CXCL13: variants seen among roughly 807,000 people sequenced by gnomAD.
CXCL13 encodes C-X-C motif chemokine ligand 13.
A neutral mutation model predicts 12.2 loss-of-function variants in CXCL13; 7 were observed. The observed-to-expected ratio is 0.57, with a 90% CI of 0.33 to 1.07. The LOEUF (loss-of-function observed/expected upper bound fraction) is 1.07. Among genes scored for constraint, CXCL13 ranks in the 50% least tolerant of loss-of-function variants. The pLI, the probability that CXCL13 is intolerant of heterozygous loss-of-function variation, is 0.04. For synonymous variants in CXCL13, 47 were observed against 42.4 expected (o/e 1.11, Z -0.42); for missense variants, 113 against 127.4 (o/e 0.89, Z 0.55).
At chr4:77,525,928 T>TTA (rs1560515098) in intron 1 of CXCL13, among the ~76,000 whole-genome samples, 140 of 151,616 alleles carry the variant, frequency 9.2e-4, no homozygotes, top group African/African-American at 3.1e-3. Flanking sequence ...TTGTTTTTTT[T>TTA]TTATTATTTT....
chr4:77,531,971 G>A (rs931768006), intron 1 of CXCL13, among the ~76,000 whole-genome samples: 1 of 152,148 alleles, frequency 6.6e-6, no homozygotes, highest in Non-Finnish European at 1.5e-5. Flanking sequence ...CCTGAATACA[G>A]CACACTGACG....
At chr4:77,520,434 C>T (rs1277345619) in intron 1 of CXCL13, among the ~76,000 whole-genome samples, 5 of 152,110 alleles carry the variant, frequency 3.3e-5, no homozygotes, top group African/African-American at 4.8e-5. Context: ...CCTTCACATC[C>T]CTTGTAAGTT....
intron 1 of CXCL13, among the ~76,000 whole-genome samples, chr4:77,565,213 A>G (rs1005248297): frequency 2.0e-5 from 3 of 152,224 alleles, no homozygotes; most frequent in Non-Finnish European, 2.9e-5. Context: ...CAAAAAGAAG[A>G]TGAGGTTCTA....
intron 1 of CXCL13, among the ~76,000 whole-genome samples, chr4:77,554,647 A>G (rs1311432536): frequency 2.0e-5 from 3 of 152,128 alleles, no homozygotes; most frequent in Admixed American, 6.5e-5. Context: ...AATAACATAT[A>G]CATTATTTTC....
intron 1 of CXCL13, among the ~76,000 whole-genome samples, chr4:77,518,002 G>C (rs764135686): frequency 1.3e-5 from 2 of 151,672 alleles, no homozygotes; most frequent in African/African-American, 2.4e-5. Flanking sequence ...GGGCAGGCCT[G>C]GTGGTGACAT....
At chr4:77,516,938 G>A (rs1254382957) in intron 1 of CXCL13, among the ~76,000 whole-genome samples, 1 of 151,842 alleles carries the variant, frequency 6.6e-6, no homozygotes, top group Non-Finnish European at 1.5e-5. Context: ...TCTCTTGTGG[G>A]CATTTAGTGC....
intron 2 of CXCL13, among the ~76,000 whole-genome samples, chr4:77,609,415 C>G (rs1727093218): frequency 6.6e-6 from 1 of 151,678 alleles, no homozygotes; most frequent in Admixed American, 6.6e-5. Context: ...TGGGTTCAAG[C>G]AAGCCTCCCT....
intron 1 of CXCL13, among the ~76,000 whole-genome samples, chr4:77,551,055 C>CT (rs1282756093): frequency 6.6e-6 from 1 of 152,142 alleles, no homozygotes; most frequent in Non-Finnish European, 1.5e-5. Context: ...ACAGCAGACA[C>CT]TTGGGTCCTG....
intron 1 of CXCL13, among the ~76,000 whole-genome samples, chr4:77,521,527 A>G (rs1016806957): frequency 3.3e-5 from 5 of 151,904 alleles, no homozygotes; most frequent in Admixed American, 1.3e-4. Flanking sequence ...GTATTCTCTG[A>G]TGGTAGTTTG....
intron 1 of CXCL13, among the ~76,000 whole-genome samples, chr4:77,560,027 G>C (rs142266571): frequency 6.6e-6 from 1 of 150,656 alleles, no homozygotes; most frequent in Non-Finnish European, 1.5e-5. Context: ...ACACTTCTGT[G>C]ACCACAGCAA....
Position 77,611,156 on chromosome 4 carries a change from G to A in CXCL13, c.*117G>A, listed in dbSNP as rs769590148. ...AGAACTTCCCCATACAAATAAGCATGAGACTATGTAAAAATAACCTTGCAG... is the reference window on the plus strand; with the variant it reads ...AGAACTTCCCCATACAAATAAGCATAAGACTATGTAAAAATAACCTTGCAG... On this transcript the variant is annotated 3_prime_UTR_variant, in exon 4 of 4. Coordinates refer to ENST00000682537, the MANE Select transcript of CXCL13 (RefSeq NM_001371558.1). 2 of 857,902 alleles carry A rather than the reference G, an allele frequency of 2.3e-6. No individual in the cohort carries two copies. The highest frequency in any genetic ancestry group is 3.7e-6 in the Non-Finnish European group (2 of 545,874). 53.1% of individuals were successfully genotyped at this position (857,902 alleles called of 1,614,324 possible). A position where few individuals can be genotyped will look rare whatever the true frequency, so the allele number is the denominator to read the frequency against.
At chr4:77,606,091 T>C (rs1397577164) in intron 1 of CXCL13, among the ~76,000 whole-genome samples, 162 bp downstream of exon 1, 1 of 152,248 alleles carries the variant, frequency 6.6e-6, no homozygotes, top group Non-Finnish European at 1.5e-5. Flanking sequence ...GGAATTTAAC[T>C]CTTCAAAACT....
chr4:77,593,712 A>G (rs554811649), intron 1 of CXCL13, among the ~76,000 whole-genome samples: 2 of 152,340 alleles, frequency 1.3e-5, no homozygotes, highest in African/African-American at 4.8e-5. Context: ...GAGCTGTTAA[A>G]TCTAGGTCTC....
intron 1 of CXCL13, among the ~76,000 whole-genome samples, chr4:77,547,677 C>T (rs1177819687): frequency 6.6e-6 from 1 of 152,056 alleles, no homozygotes; most frequent in Admixed American, 6.6e-5. Context: ...TGGGTCTTGA[C>T]TCTTTATCCA....
chr4:77,563,740 G>C (rs552036771), intron 1 of CXCL13, among the ~76,000 whole-genome samples: 1 of 152,326 alleles, frequency 6.6e-6, no homozygotes, highest in South Asian at 2.1e-4. Flanking sequence ...CAGAAAAACA[G>C]AGTTAACTTC....
intron 1 of CXCL13, among the ~76,000 whole-genome samples, chr4:77,531,429 GTTC>G (rs1290319992): frequency 6.6e-6 from 1 of 151,566 alleles, no homozygotes; most frequent in Non-Finnish European, 1.5e-5. Flanking sequence ...TATAATTTCT[GTTC>G]TTCTACATTT....
rs568485001 is a variant in CXCL13 at position 77,538,336 on chromosome 4, G to T, written c.-43+26548G>T. Among the ~76,000 whole-genome samples the T allele has an allele frequency of 3.4e-4, 49 of 144,568 alleles. 1 individual carries two copies. In the South Asian group the frequency reaches 5.9e-3, roughly 17 times the overall value. The allele number at this position is 144,568 out of a possible 152,430, so 94.8% of individuals were successfully genotyped here. On this transcript the variant is annotated intron_variant, in intron 1 of 4. Transcript: ENST00000286758. The stretch of plus-strand genomic sequence containing the variant: ...GTTTTTTTTTGTTTGTTTTGGTTTG[G>T]TTTTTTTTTTAATCAGTGAAGAATG...
At chr4:77,584,550 T>C (rs561729025) in intron 1 of CXCL13, among the ~76,000 whole-genome samples, 1 of 152,356 alleles carries the variant, frequency 6.6e-6, no homozygotes, top group South Asian at 2.1e-4. Context: ...CTTCTAAAAA[T>C]CTGAGTTCTC....
intron 1 of CXCL13, among the ~76,000 whole-genome samples, chr4:77,526,514 G>T (rs1444168616): frequency 6.6e-6 from 1 of 151,616 alleles, no homozygotes; most frequent in Non-Finnish European, 1.5e-5. Context: ...CACTCAAAGG[G>T]GGAAAAGTCC....
Sources: allele counts gnomAD v4.1 joint callset (sites outside exome capture counted in the v4.1 genomes callset), GRCh38; gene constraint gnomAD v4.1.1; transcripts MANE v1.5; gene names NCBI Gene and HGNC (gene_info 2026-07-23, HGNC 2026-07-21).